NCOA1: variants seen among roughly 807,000 people sequenced by gnomAD.
The protein encoded by NCOA1 is nuclear receptor coactivator 1, also known as Hin-2 protein.
Under a neutral mutation model 150.9 loss-of-function variants are expected in NCOA1, and 35 were observed. That is an observed-to-expected ratio of 0.23 (90% CI 0.18 to 0.31). The LOEUF is 0.31. NCOA1 is among the 10% of genes least tolerant of loss of function. NCOA1 has a pLI of 1.00. For synonymous variants in NCOA1, 590 were observed against 630.0 expected (o/e 0.94, Z 0.95); for missense variants, 1,491 against 1,749.3 (o/e 0.85, Z 2.63).
intron 20 of NCOA1, among the ~76,000 whole-genome samples, chr2:24,754,747 A>G (rs1470971038): frequency 6.6e-6 from 1 of 152,236 alleles, no homozygotes; most frequent in Non-Finnish European, 1.5e-5. Flanking sequence ...TATGAGCATC[A>G]TAAGAGCAAG....
At chr2:24,579,931 T>C (rs1036738298) in intron 2 of NCOA1, among the ~76,000 whole-genome samples, 1 of 152,118 alleles carries the variant, frequency 6.6e-6, no homozygotes, top group Non-Finnish European at 1.5e-5. Context: ...TCCTTTATGG[T>C]TTTTAATGAT....
At chr2:24,627,121 GT>G (rs33949925) in intron 3 of NCOA1, among the ~76,000 whole-genome samples, 9,381 of 115,078 alleles carry the variant, frequency 0.082, 348 homozygotes, top group African/African-American at 0.12. Context: ...GTTTTTTGCT[GT>G]TTTTTTTTTT....
chr2:24,519,068 A>T (rs190517072), intron 1 of NCOA1, among the ~76,000 whole-genome samples: 1 of 152,374 alleles, frequency 6.6e-6, no homozygotes, highest in Admixed American at 6.5e-5. Flanking sequence ...CTTATCTTCA[A>T]GTCTTATTAT....
At chr2:24,714,064 A>C (rs1265897019) in intron 14 of NCOA1, among the ~76,000 whole-genome samples, 1 of 152,220 alleles carries the variant, frequency 6.6e-6, no homozygotes, top group Non-Finnish European at 1.5e-5. Flanking sequence ...AGATTGGAAG[A>C]TAATCAAGTC....
intron 14 of NCOA1, among the ~76,000 whole-genome samples, chr2:24,722,197 A>T (rs1674388331): frequency 6.6e-6 from 1 of 152,172 alleles, no homozygotes; most frequent in Non-Finnish European, 1.5e-5. Flanking sequence ...GTTTCAAAAC[A>T]TGTTGTGTGT....
intron 4 of NCOA1, among the ~76,000 whole-genome samples, chr2:24,645,725 G>A (rs891250200): frequency 1.3e-5 from 2 of 152,074 alleles, no homozygotes; most frequent in South Asian, 2.1e-4. Flanking sequence ...ATATGCTCCC[G>A]TGAGCATTTC....
intron 4 of NCOA1, among the ~76,000 whole-genome samples, chr2:24,654,598 C>T (rs1256451726): frequency 6.6e-6 from 1 of 152,150 alleles, no homozygotes; most frequent in Non-Finnish European, 1.5e-5. Context: ...TTACTCTTCA[C>T]AGAGGAAGTC....
At chr2:24,548,746 C>G (rs766966760) in intron 1 of NCOA1, among the ~76,000 whole-genome samples, 8 of 152,218 alleles carry the variant, frequency 5.3e-5, no homozygotes, top group Non-Finnish European at 1.2e-4. Flanking sequence ...AATCTTAAAG[C>G]TTCAAAATGA....
chr2:24,682,837 C>A, intron 7 of NCOA1, 114 bp from the exon 8 acceptor site: 1 of 814,798 alleles, frequency 1.2e-6, no homozygotes. Context: ...TCCTTGAGGA[C>A]AGAGACCAGG....
intron 22 of NCOA1, 117 bp downstream of exon 22, chr2:24,762,893 C>G (rs1024445099): frequency 2.4e-6 from 2 of 846,060 alleles, no homozygotes; most frequent in African/African-American, 3.4e-5. Context: ...TGAGTCCTGG[C>G]TCTGCTCTTC....
rs1027180468 is a variant in NCOA1 at position 24,770,275 on chromosome 2, G to A, written c.*1884G>A. 1.0e-4 allele frequency: 24 copies of A among 229,678 alleles called. No homozygotes were observed. Among genetic ancestry groups the A allele is most frequent in the East Asian group, 3.7e-4 (6 of 16,040 alleles). 14.2% of individuals were successfully genotyped at this position (229,678 alleles called of 1,614,324 possible). ...TCCATTTTGTTTGTGATATTTAGAC[G>A]CGCAGACTTCAGGAAGTTCACCTTT... On this transcript the variant is annotated 3_prime_UTR_variant, in exon 23 of 23. Coordinates refer to ENST00000348332, the MANE Select transcript of NCOA1 (RefSeq NM_003743.5).
At chr2:24,498,403 C>G (rs1243830634) in intron 1 of NCOA1, among the ~76,000 whole-genome samples, 3 of 152,098 alleles carry the variant, frequency 2.0e-5, no homozygotes, top group Non-Finnish European at 4.4e-5. Flanking sequence ...ATACAAATAC[C>G]TATAATAGTA....
At chr2:24,614,080 G>A (rs137928056) in intron 3 of NCOA1, among the ~76,000 whole-genome samples, 1 of 151,756 alleles carries the variant, frequency 6.6e-6, no homozygotes, top group African/African-American at 2.4e-5. Flanking sequence ...ACTTTCAGAG[G>A]CCTAAACTTT....
rs148488709 is a variant in NCOA1 at position 24,640,603 on chromosome 2, C to A, written c.-174-3363C>A. On this transcript the variant is annotated intron_variant, in intron 3 of 22. Transcript: ENST00000348332. ...GAGGAGGATCACTTAAGCCTGGGAG[C>A]TCAAGACCAGCCTGGGCAAGACCCC... Among the ~76,000 whole-genome samples the A allele has an allele frequency of 1.4e-4, 22 of 152,212 alleles. No homozygotes were observed. In the East Asian group the frequency reaches 3.9e-3, roughly 27 times the overall value.
intron 3 of NCOA1, among the ~76,000 whole-genome samples, chr2:24,601,930 C>G (rs1438008237): frequency 5.3e-5 from 8 of 152,148 alleles, no homozygotes; most frequent in African/African-American, 9.7e-5. Flanking sequence ...ACCACTGCGC[C>G]CAGCCACTTC....
At chr2:24,574,675 T>C (rs1375321767) in intron 2 of NCOA1, among the ~76,000 whole-genome samples, 1 of 152,128 alleles carries the variant, frequency 6.6e-6, no homozygotes, top group Admixed American at 6.5e-5. Context: ...ATCATTTCTT[T>C]AAGTGCAAAA....
intron 3 of NCOA1, among the ~76,000 whole-genome samples, chr2:24,602,832 A>G (rs2148361403): frequency 6.6e-6 from 1 of 152,270 alleles, no homozygotes; most frequent in South Asian, 2.1e-4. Flanking sequence ...TTTTACCAAT[A>G]CTGTGGAAAC....
intron 3 of NCOA1, among the ~76,000 whole-genome samples, chr2:24,599,913 T>G (rs998083423): frequency 2.6e-5 from 4 of 151,978 alleles, no homozygotes; most frequent in Admixed American, 6.6e-5. Flanking sequence ...GTATTTTTAG[T>G]AGAGATGGGG....
chr2:24,670,871 G>GA (rs1553445639), intron 6 of NCOA1, among the ~76,000 whole-genome samples: 1 of 152,170 alleles, frequency 6.6e-6, no homozygotes, highest in Non-Finnish European at 1.5e-5. Context: ...AATAGTATGT[G>GA]AGATAACATT....
Sources: gnomAD v4.1 joint callset for allele counts (sites outside exome capture counted in the v4.1 genomes callset) on GRCh38, gnomAD v4.1.1 for gene constraint, MANE v1.5 for transcripts, NCBI Gene and HGNC (gene_info 2026-07-23, HGNC 2026-07-21) for gene names.